The following DCAF1 variants were observed in gnomAD, a reference collection of about 807,000 sequenced individuals.
DCAF1 encodes the protein DDB1- and CUL4-associated factor 1.
DCAF1 carries 15 observed loss-of-function variants against 128.0 expected under a neutral mutation model. The observed-to-expected ratio is 0.12, with a 90% CI of 0.08 to 0.18. The LOEUF (loss-of-function observed/expected upper bound fraction) is 0.18. DCAF1 is among the 10% of genes least tolerant of loss of function. The pLI is 1.00. For missense variants in DCAF1, 988 were observed against 1,649.5 expected (o/e 0.60, Z 6.95); for synonymous variants, 610 against 603.0 (o/e 1.01, Z -0.17).
At chr3:51,410,237 T>C (rs1553628008) in intron 23 of DCAF1, among the ~76,000 whole-genome samples, 3 of 152,162 alleles carry the variant, frequency 2.0e-5, no homozygotes, top group African/African-American at 7.2e-5. Flanking sequence ...CACAAGAGTC[T>C]CCTCACTCTG....
At chr3:51,479,731 G>C (rs1255658359) in intron 3 of DCAF1, among the ~76,000 whole-genome samples, 1 of 152,184 alleles carries the variant, frequency 6.6e-6, no homozygotes, top group East Asian at 1.9e-4. Flanking sequence ...GGGAGGCAGA[G>C]CTTGCAGTAA....
At chr3:51,487,572 T>TTG in intron 2 of DCAF1, among the ~76,000 whole-genome samples, 1 of 152,330 alleles carries the variant, frequency 6.6e-6, no homozygotes, top group Admixed American at 6.5e-5. Context: ...GTTTGGGGAT[T>TTG]TGTTTTTGTT....
chr3:51,437,117 G>A (rs1577139664), intron 9 of DCAF1, among the ~76,000 whole-genome samples: 1 of 151,866 alleles, frequency 6.6e-6, no homozygotes, highest in African/African-American at 2.4e-5. Context: ...AAAAAAAGTA[G>A]CCAGGCGTGG....
intron 21 of DCAF1, 44 bp from the exon 22 acceptor site, chr3:51,413,110 T>G: frequency 6.2e-7 from 1 of 1,611,300 alleles, no homozygotes; most frequent in Non-Finnish European, 8.5e-7. Flanking sequence ...ACTATTGCTG[T>G]GACCCTAAAA....
At chr3:51,455,301 T>C (rs917790303) in intron 6 of DCAF1, among the ~76,000 whole-genome samples, 23 of 152,172 alleles carry the variant, frequency 1.5e-4, no homozygotes, top group Non-Finnish European at 3.2e-4. Flanking sequence ...TTTGACATTA[T>C]AAATCCATTC....
intron 1 of DCAF1, among the ~76,000 whole-genome samples, chr3:51,498,074 A>C (rs1708430739): frequency 6.9e-6 from 1 of 145,252 alleles, no homozygotes; most frequent in African/African-American, 2.6e-5. Context: ...AAAAAAAAAA[A>C]AAAAAAAGCC....
At chr3:51,492,668 G>C (rs782055909) in intron 2 of DCAF1, among the ~76,000 whole-genome samples, 6 of 152,164 alleles carry the variant, frequency 3.9e-5, no homozygotes, top group African/African-American at 7.2e-5. Context: ...GCAAGCATGT[G>C]AAGAAACTGG....
At chr3:51,433,468 A>AT (rs1288060498) in intron 9 of DCAF1, among the ~76,000 whole-genome samples, 36 of 149,808 alleles carry the variant, frequency 2.4e-4, no homozygotes, top group African/African-American at 3.4e-4. Flanking sequence ...ACACCAGGAA[A>AT]TTTTTTTTTT....
At chr3:51,503,608 T>C, upstream of DCAF1, among the ~76,000 whole-genome samples, 1 of 152,146 alleles carries the variant, frequency 6.6e-6, no homozygotes, top group East Asian at 1.9e-4. Flanking sequence ...TGTCCAGCAG[T>C]GTCGCAGGAG....
chr3:51,447,751 G>A (rs994906817), intron 6 of DCAF1, among the ~76,000 whole-genome samples: 4 of 151,980 alleles, frequency 2.6e-5, no homozygotes, highest in Non-Finnish European at 4.4e-5. Flanking sequence ...AGTTCGAGAC[G>A]AGCCTGGTCA....
chr3:51,466,933 G>A (rs1447226608), intron 4 of DCAF1, 57 bp from the exon 5 acceptor site: 5 of 1,551,080 alleles, frequency 3.2e-6, no homozygotes, highest in Non-Finnish European at 4.4e-6. Context: ...TCCCAGTCAA[G>A]CAACTTAGAC....
At chr3:51,470,006 G>A (rs1553647933) in intron 4 of DCAF1, among the ~76,000 whole-genome samples, 1 of 152,058 alleles carries the variant, frequency 6.6e-6, no homozygotes. Context: ...GGGCGACAGA[G>A]CAAGATGCCA....
At chr3:51,446,999 T>TAATAATAATAATAATAA (rs370193180) in intron 6 of DCAF1, among the ~76,000 whole-genome samples, 1 of 148,138 alleles carries the variant, frequency 6.8e-6, no homozygotes, top group African/African-American at 2.5e-5. Context: ...ATAATAATAA[T>TAATAATAATAATAATAA]AAAATGTTTT....
chr3:51,434,273 A>C (rs1245323307), intron 9 of DCAF1, among the ~76,000 whole-genome samples: 1 of 151,958 alleles, frequency 6.6e-6, no homozygotes, highest in Non-Finnish European at 1.5e-5. Context: ...GCAGTGGCGC[A>C]TGCCTGTAGT....
intron 9 of DCAF1, chr3:51,436,477 T>A (rs1158609250): frequency 1.9e-6 from 1 of 515,298 alleles, no homozygotes; most frequent in East Asian, 5.5e-5. Context: ...ATTCTTGTAC[T>A]TTTCTTTCTT....
intron 23 of DCAF1, among the ~76,000 whole-genome samples, chr3:51,406,871 C>T (rs1333763860): frequency 6.6e-6 from 1 of 152,200 alleles, no homozygotes; most frequent in African/African-American, 2.4e-5. Flanking sequence ...CTAATAAGCT[C>T]TCCATCTACA....
At chr3:51,461,498 G>A (rs1243223505) in intron 6 of DCAF1, among the ~76,000 whole-genome samples, 1 of 152,026 alleles carries the variant, frequency 6.6e-6, no homozygotes, top group Admixed American at 6.6e-5. Flanking sequence ...GTGGAAGTCA[G>A]TGTGGCGATT....
chr3:51,413,918 G>A (rs1277235987), intron 20 of DCAF1, 32 bp downstream of exon 20: 5 of 1,453,586 alleles, frequency 3.4e-6, no homozygotes, highest in Non-Finnish European at 4.6e-6. Context: ...AGAGCAAAAG[G>A]AAAGAGAATA....
Position 51,429,332 on chromosome 3 carries a change from A to G in DCAF1, c.1606T>C (p.Leu536=), listed in dbSNP as rs781889468. ...TGAAGTGACTGCTTCACTTGTTCCA[A>G]TTTAATGGCCAGGTGAGCCTCAAAG... ...KYFEAHLAIK[L]EQVKQSLQRT... The change falls in exon 12 of 25, where the codon TTG becomes CTG. Residue 536 remains leucine, a synonymous_variant. Transcript: ENST00000684031. The G allele has an allele frequency of 2.6e-6, 2 of 780,804 alleles. No homozygotes were observed. The highest frequency in any genetic ancestry group is 1.3e-5 in the South Asian group (1 of 74,600). The allele number at this position is 780,804 out of a possible 1,614,324, so 48.4% of individuals were successfully genotyped here.
Sources: allele counts gnomAD v4.1 joint callset (sites outside exome capture counted in the v4.1 genomes callset), GRCh38; gene constraint gnomAD v4.1.1; transcripts MANE v1.5; gene names NCBI Gene and HGNC (gene_info 2026-07-23, HGNC 2026-07-21).